The following CELF1 variants were observed in gnomAD, a reference collection of about 807,000 sequenced individuals.
CELF1 encodes the protein CUGBP Elav-like family member 1.
Under a neutral mutation model 61.8 loss-of-function variants are expected in CELF1, and 10 were observed. The ratio of observed to expected loss-of-function variants is 0.16; its 90% confidence interval spans 0.10 to 0.27. The LOEUF (loss-of-function observed/expected upper bound fraction) is 0.27, where lower values mean the gene tolerates loss of function less well. Among genes scored for constraint, CELF1 ranks in the 10% least tolerant of loss-of-function variants. The pLI, the probability that CELF1 is intolerant of heterozygous loss-of-function variation, is 1.00. For missense variants in CELF1, 380 were observed against 639.1 expected, an observed-to-expected ratio of 0.59 and a Z score of 4.37; for synonymous variants, 236 against 225.1, an observed-to-expected ratio of 1.05 and a Z score of -0.43.
intron 1 of CELF1, among the ~76,000 whole-genome samples, chr11:47,504,902 C>CAAAAAAAAAAAAAAAAAAAAAA (rs374401044): frequency 3.7e-5 from 4 of 107,918 alleles, no homozygotes; most frequent in Non-Finnish European, 7.6e-5. Context: ...ACTCTGTCAC[C>CAAAAAAAAAAAAAAAAAAAAAA]AAAAAAAAAA....
At chr11:47,480,710 G>A (rs1015520104) in intron 9 of CELF1, among the ~76,000 whole-genome samples, 2 of 152,124 alleles carry the variant, frequency 1.3e-5, no homozygotes, top group South Asian at 2.1e-4. Flanking sequence ...GAACATATAA[G>A]CAATGTTTCA....
chr11:47,506,502 C>G (rs1192335370), intron 1 of CELF1, among the ~76,000 whole-genome samples: 2 of 152,198 alleles, frequency 1.3e-5, no homozygotes, highest in African/African-American at 2.4e-5. Flanking sequence ...CAAAGCTGTC[C>G]TGGGCTACAT....
chr11:47,545,867 CTGCGTGTG>C (rs1404600451), intron 1 of CELF1, among the ~76,000 whole-genome samples: 2,258 of 121,618 alleles, frequency 0.019, 39 homozygotes, highest in Non-Finnish European at 0.025. Flanking sequence ...GTGTGTGTGT[CTGCGTGTG>C]TGTGTGTGTG....
chr11:47,548,984 T>C (rs2097061559), intron 1 of CELF1, among the ~76,000 whole-genome samples: 1 of 151,122 alleles, frequency 6.6e-6, no homozygotes, highest in African/African-American at 2.4e-5. Context: ...TCTCCAAAGA[T>C]AATATATAAA....
intron 3 of CELF1, among the ~76,000 whole-genome samples, chr11:47,492,462 C>T (rs1451112242): frequency 6.6e-6 from 1 of 152,184 alleles, no homozygotes; most frequent in African/African-American, 2.4e-5. Context: ...GGCATGGTGG[C>T]TCATGCCTGT....
chr11:47,508,477 G>GT (rs2094714975), intron 1 of CELF1, among the ~76,000 whole-genome samples: 1 of 150,902 alleles, frequency 6.6e-6, no homozygotes, highest in Admixed American at 6.6e-5. Flanking sequence ...TAAGGGACAG[G>GT]TATCTTAAGT....
rs906743160 is a variant in CELF1 at position 47,471,160 on chromosome 11, T to G, written c.*1070A>C. 4 of 152,186 alleles carry G rather than the reference T, an allele frequency of 2.6e-5. No individual in the cohort carries two copies. The highest frequency in any genetic ancestry group is 9.7e-5 in the African/African-American group (4 of 41,434). The allele number at this position is 152,186 out of a possible 1,614,324, so 9.4% of individuals were successfully genotyped here. A position where few individuals can be genotyped will look rare whatever the true frequency, so the allele number is the denominator to read the frequency against. On this transcript the variant is annotated 3_prime_UTR_variant, in exon 15 of 15. Coordinates refer to ENST00000687097, the MANE Select transcript of CELF1 (RefSeq NM_001376376.1). ...ATACTGGCTTGCAGGGACCTTCTGA[T>G]TCAAGTACACCAAGAAATAAGCTCC...
At chr11:47,552,472 T>C (rs2097163826) in intron 1 of CELF1, among the ~76,000 whole-genome samples, 1 of 152,162 alleles carries the variant, frequency 6.6e-6, no homozygotes, top group Non-Finnish European at 1.5e-5. Flanking sequence ...GCCAAGGCCG[T>C]AGCGGATCTG....
intron 1 of CELF1, among the ~76,000 whole-genome samples, chr11:47,541,730 GA>G (rs1291552072): frequency 1.3e-4 from 1 of 7,930 alleles, no homozygotes; most frequent in African/African-American, 3.2e-4. Context: ...AAGAAAGAAC[GA>G]AAGAAAGAAC....
chr11:47,552,356 C>A (rs951992833), intron 1 of CELF1, among the ~76,000 whole-genome samples: 1 of 152,242 alleles, frequency 6.6e-6, no homozygotes, highest in Non-Finnish European at 1.5e-5. Flanking sequence ...AGCCTGGTCC[C>A]TAGCGAAGAA....
intron 1 of CELF1, among the ~76,000 whole-genome samples, chr11:47,534,226 C>T (rs1056795308): frequency 6.6e-6 from 1 of 150,870 alleles, no homozygotes; most frequent in African/African-American, 2.4e-5. Context: ...GATGGGGTTT[C>T]ACCACATTGG....
chr11:47,541,355 T>C (rs983028243), intron 1 of CELF1, among the ~76,000 whole-genome samples: 1 of 152,112 alleles, frequency 6.6e-6, no homozygotes, highest in Non-Finnish European at 1.5e-5. Flanking sequence ...GTTTCTAACT[T>C]AATGATTATT....
intron 9 of CELF1, among the ~76,000 whole-genome samples, chr11:47,479,830 C>T (rs2081993864): frequency 1.3e-5 from 2 of 152,140 alleles, no homozygotes; most frequent in African/African-American, 2.4e-5. Flanking sequence ...AACATCTGAC[C>T]TGGTTTCTCT....
At chr11:47,521,729 A>G (rs1366941271) in intron 1 of CELF1, among the ~76,000 whole-genome samples, 1 of 152,226 alleles carries the variant, frequency 6.6e-6, no homozygotes, top group African/African-American at 2.4e-5. Flanking sequence ...GTGGAAAAGA[A>G]TGAGTCCCAA....
intron 1 of CELF1, among the ~76,000 whole-genome samples, chr11:47,535,666 C>T (rs1246675776): frequency 7.2e-6 from 1 of 138,078 alleles, no homozygotes; most frequent in Admixed American, 7.3e-5. Flanking sequence ...GCAACAAGAG[C>T]GAAACCCCAT....
chr11:47,528,331 A>G (rs930095356), intron 1 of CELF1, among the ~76,000 whole-genome samples: 9 of 152,196 alleles, frequency 5.9e-5, no homozygotes, highest in Non-Finnish European at 1.3e-4. Flanking sequence ...AAACTTCCTT[A>G]TACTATGTGT....
intron 1 of CELF1, among the ~76,000 whole-genome samples, chr11:47,545,553 A>G (rs2096911996): frequency 6.6e-6 from 1 of 152,214 alleles, no homozygotes; most frequent in South Asian, 2.1e-4. Flanking sequence ...CATATTGTTA[A>G]TAACAAGGAG....
intron 2 of CELF1, among the ~76,000 whole-genome samples, chr11:47,558,137 G>T (rs574434094): frequency 6.6e-6 from 1 of 152,160 alleles, no homozygotes; most frequent in East Asian, 1.9e-4. Context: ...GATTATAGGC[G>T]TGAGCCACCG....
intron 1 of CELF1, among the ~76,000 whole-genome samples, chr11:47,550,484 A>G (rs1003562477): frequency 3.9e-5 from 6 of 152,136 alleles, no homozygotes; most frequent in Non-Finnish European, 8.8e-5. Flanking sequence ...TGAGCACTCC[A>G]GTATGGTTGA....
Sources: gnomAD v4.1 joint callset for allele counts (sites outside exome capture counted in the v4.1 genomes callset) on GRCh38, gnomAD v4.1.1 for gene constraint, MANE v1.5 for transcripts, NCBI Gene and HGNC (gene_info 2026-07-23, HGNC 2026-07-21) for gene names.